Variants in ZNF536 observed in about 807,000 individuals in gnomAD.
ZNF536 encodes zinc finger protein 536.
ZNF536 carries 13 observed loss-of-function variants against 84.5 expected under a neutral mutation model. That is an observed-to-expected ratio of 0.15 (90% confidence interval 0.10 to 0.24). The LOEUF is 0.24. Ranked by LOEUF, ZNF536 falls within the 10% of genes least tolerant of loss-of-function variation. The pLI is 1.00. For missense variants in ZNF536, 1,536 were observed against 1,747.5 expected (o/e 0.88, Z 2.16); for synonymous variants, 811 against 742.5 (o/e 1.09, Z -1.50).
chr19:30,607,398 C>T (rs1438893885), intron 1 of ZNF536, among the ~76,000 whole-genome samples: 2 of 151,966 alleles, frequency 1.3e-5, no homozygotes, highest in African/African-American at 4.8e-5. Context: ...CAATAGCTTT[C>T]TTTCATGTCC....
chr19:30,565,404 G>A (rs76372206), intron 1 of ZNF536, among the ~76,000 whole-genome samples: 2,715 of 152,120 alleles, frequency 0.018, 154 homozygotes, highest in East Asian at 0.14. Flanking sequence ...GCCCCGGTGG[G>A]GGCCCACCCT....
chr19:30,446,248 C>CAAAAAAAAAAAAAAAAAAAA (rs1177505634), intron 2 of ZNF536, among the ~76,000 whole-genome samples: 9 of 29,166 alleles, frequency 3.1e-4, no homozygotes, highest in Non-Finnish European at 3.4e-4. Context: ...GACACTGTCT[C>CAAAAAAAAAAAAAAAAAAAA]AAAAAAAAAA....
chr19:30,540,896 C>T (rs921477349), intron 3 of ZNF536, among the ~76,000 whole-genome samples: 1 of 152,254 alleles, frequency 6.6e-6, no homozygotes, highest in Admixed American at 6.5e-5. Context: ...CCTCCTTGAC[C>T]CCTCCCTCAG....
At chr19:30,299,298 G>T (rs2046103758) in intron 2 of ZNF536, among the ~76,000 whole-genome samples, 1 of 152,152 alleles carries the variant, frequency 6.6e-6, no homozygotes, top group Non-Finnish European at 1.5e-5. Flanking sequence ...TTCATCTGTT[G>T]ATTTAGAAAT....
chr19:30,490,533 C>G (rs1431246159), intron 2 of ZNF536, among the ~76,000 whole-genome samples: 1 of 152,150 alleles, frequency 6.6e-6, no homozygotes, highest in Non-Finnish European at 1.5e-5. Context: ...TCACTGTAGG[C>G]TCCCCCTTGC....
chr19:30,428,833 G>C (rs2051324333), intron 1 of ZNF536, among the ~76,000 whole-genome samples: 1 of 152,222 alleles, frequency 6.6e-6, no homozygotes, highest in Admixed American at 6.5e-5. Flanking sequence ...ATATTTCTCT[G>C]TGTTCAGCAT....
chr19:30,560,978 A>G (rs2046143267), downstream of ZNF536, among the ~76,000 whole-genome samples: 1 of 152,208 alleles, frequency 6.6e-6, no homozygotes, highest in Non-Finnish European at 1.5e-5. Context: ...AAAAATAGCC[A>G]TTTGTGCATC....
chr19:30,671,831 G>T (rs1472403391), intron 1 of ZNF536, among the ~76,000 whole-genome samples: 2 of 152,222 alleles, frequency 1.3e-5, no homozygotes, highest in Admixed American at 1.3e-4. Context: ...AGGCTGCCAA[G>T]ATCCTTGCTT....
At chr19:30,609,852 GTCCATCCATCCACCCATTTATCCA>G (rs1348018207) in intron 1 of ZNF536, among the ~76,000 whole-genome samples, 49 of 77,340 alleles carry the variant, frequency 6.3e-4, no homozygotes, top group South Asian at 3.7e-3. Context: ...CCACCCATCC[GTCCATCCATCCACCCATTTATCCA>G]TCCATCCATC....
chr19:30,628,553 C>G (rs760881431), intron 1 of ZNF536, among the ~76,000 whole-genome samples: 1 of 151,528 alleles, frequency 6.6e-6, no homozygotes, highest in African/African-American at 2.4e-5. Flanking sequence ...CTCAGCATCA[C>G]GAGTAGCTGG....
chr19:30,699,009 G>T (rs917525404), intron 1 of ZNF536, among the ~76,000 whole-genome samples: 1 of 152,300 alleles, frequency 6.6e-6, no homozygotes, highest in African/African-American at 2.4e-5. Context: ...ATATTATGTT[G>T]TTTACTTTGT....
At chr19:30,352,669 C>A (rs1050756925) in intron 3 of ZNF536, among the ~76,000 whole-genome samples, 1 of 152,150 alleles carries the variant, frequency 6.6e-6, no homozygotes. Context: ...AGTAAGCTCT[C>A]GGTGAGTGGT....
chr19:30,677,255 T>G (rs1413268713), intron 1 of ZNF536, among the ~76,000 whole-genome samples: 2 of 152,214 alleles, frequency 1.3e-5, no homozygotes, highest in Non-Finnish European at 2.9e-5. Flanking sequence ...CAGCCTCTGA[T>G]GGTTTTCTTG....
chr19:30,404,029 T>G (rs1194931296), intron 1 of ZNF536, among the ~76,000 whole-genome samples: 4 of 150,842 alleles, frequency 2.7e-5, no homozygotes, highest in Admixed American at 2.6e-4. Context: ...CTTTTTTTTT[T>G]TTTTTTTTTT....
chr19:30,437,396 A>T (rs1195929523), intron 1 of ZNF536, among the ~76,000 whole-genome samples: 1 of 152,218 alleles, frequency 6.6e-6, no homozygotes, highest in Admixed American at 6.5e-5. Context: ...AGGCAGCTGA[A>T]TGGCTCACGG....
chr19:30,383,161 G>A (rs1398696840), intron 1 of ZNF536, among the ~76,000 whole-genome samples: 2 of 152,128 alleles, frequency 1.3e-5, no homozygotes, highest in Non-Finnish European at 2.9e-5. Flanking sequence ...ATGGTGCTGG[G>A]CACCTGTAAT....
intron 3 of ZNF536, among the ~76,000 whole-genome samples, chr19:30,545,967 A>C (rs138847569): frequency 4.7e-4 from 71 of 152,302 alleles, no homozygotes; most frequent in African/African-American, 1.6e-3. Context: ...GCAGGCTTTC[A>C]TCGCCTGGCC....
chr19:30,426,899 T>C (rs906384219), intron 1 of ZNF536, among the ~76,000 whole-genome samples: 5 of 152,222 alleles, frequency 3.3e-5, no homozygotes, highest in Non-Finnish European at 5.9e-5. Flanking sequence ...ACTATGTATC[T>C]ATTTGTCTGT....
At chr19:30,271,294 C>CTTTTTTTTTTT (rs879683203) in intron 1 of ZNF536, among the ~76,000 whole-genome samples, 4 of 103,198 alleles carry the variant, frequency 3.9e-5, no homozygotes, top group East Asian at 2.9e-4. Flanking sequence ...GTGTTTTTTT[C>CTTTTTTTTTTT]TTTTCTTTTT....
Sources: allele counts gnomAD v4.1 joint callset (sites outside exome capture counted in the v4.1 genomes callset), GRCh38; gene constraint gnomAD v4.1.1; transcripts MANE v1.5; gene names NCBI Gene and HGNC (gene_info 2026-07-23, HGNC 2026-07-21).